Variants in FAM209B observed in about 807,000 individuals in gnomAD.
The protein encoded by FAM209B is protein FAM209B.
In FAM209B, 8 loss-of-function variants were observed where a neutral mutation model predicts 8.9. That is an observed-to-expected ratio of 0.90 (90% CI 0.53 to 1.62). FAM209B has a LOEUF of 1.62. FAM209B is among the 40% of genes most tolerant of loss of function. The pLI is 0.00. For missense variants in FAM209B, 175 were observed against 205.3 expected (o/e 0.85, Z 0.90); for synonymous variants, 67 against 75.0 (o/e 0.89, Z 0.55).
chr20:56,536,354 C>A lies in FAM209B; in HGVS notation c.432C>A (p.Asn144Lys), dbSNP rs1985970541. ...KGAMATGSGS[N>K]LKLRRSEMPA... ...CCATGGCAACAGGCAGTGGCAGTAA[C>A]CTCAAGCTTCGAAGGTCAGAGATGC... Residue 144 changes from asparagine (N) to lysine (K), a missense_variant, in exon 2 of 2, where the codon AAC becomes AAA. This residue lies in a region of FAM209B where 166 missense variants were observed against 174.5 expected (regional missense o/e 0.95). Transcript: ENST00000371325. 1 of 1,614,096 alleles carries A rather than the reference C, an allele frequency of 6.2e-7. No individual in the cohort carries two copies. The highest frequency in any genetic ancestry group is 8.5e-7 in the Non-Finnish European group (1 of 1,179,996).
chr20:56,535,487 A>G (rs888656241), intron 1 of FAM209B, among the ~76,000 whole-genome samples: 3 of 151,844 alleles, frequency 2.0e-5, no homozygotes, highest in Non-Finnish European at 4.4e-5. Flanking sequence ...GCTACTCGGG[A>G]GGCTGAGGCA....
chr20:56,535,633 G>A (rs769574766), intron 1 of FAM209B, among the ~76,000 whole-genome samples: 7 of 151,982 alleles, frequency 4.6e-5, no homozygotes, highest in Non-Finnish European at 7.4e-5. Flanking sequence ...TGGAGGTTGC[G>A]GTGAGCCAAG....
At chr20:56,533,918 G>C (rs1985868491) in intron 1 of FAM209B, among the ~76,000 whole-genome samples, 2 of 152,196 alleles carry the variant, frequency 1.3e-5, no homozygotes, top group African/African-American at 4.8e-5. Context: ...CACTTTGGGA[G>C]GCCAGGGCAG....
chr20:56,535,697 AAAAAG>A (rs1317150035), intron 1 of FAM209B, among the ~76,000 whole-genome samples: 1 of 152,200 alleles, frequency 6.6e-6, no homozygotes, highest in African/African-American at 2.4e-5. Flanking sequence ...AACAAACAAA[AAAAAG>A]AGATGAAGGT....
At position 56,536,252 on chromosome 20, in the gene FAM209B, C is replaced by G; in HGVS notation, c.330C>G (p.Asp110Glu). 6.2e-7 allele frequency: 1 copy of G among 1,609,312 alleles called. No homozygotes were observed. The highest frequency in any genetic ancestry group is 8.5e-7 in the Non-Finnish European group (1 of 1,178,184). The change falls in exon 2 of 2, where the codon GAC becomes GAG. Residue 110 changes from aspartate (D) to glutamate (E), a missense_variant. Physicochemically the swap from Asp to Glu is conservative, Grantham distance 45. Around this residue, in one of 2 missense-constraint regions of FAM209B, gnomAD observed 166 missense variants for 174.5 expected, o/e 0.95. Transcript: ENST00000371325. ...ATCAAAATGCTTCTCTTTACAAAGA[C>G]TGTGTATTCAATACCTTAAACGAAC... The part of the protein sequence containing the change: ...KKNQNASLYK[D>E]CVFNTLNELE...
intron 1 of FAM209B, among the ~76,000 whole-genome samples, chr20:56,535,860 T>C (rs1438814242): frequency 6.6e-6 from 1 of 152,182 alleles, no homozygotes; most frequent in African/African-American, 2.4e-5. Context: ...ATTGGCAAAC[T>C]TTTTCTGTAA....
chr20:56,535,414 A>C (rs868787608), intron 1 of FAM209B, among the ~76,000 whole-genome samples: 23 of 150,498 alleles, frequency 1.5e-4, no homozygotes, highest in African/African-American at 5.6e-4. Context: ...CAACATGATA[A>C]AACCCTGTCT....
intron 1 of FAM209B, among the ~76,000 whole-genome samples, chr20:56,534,828 C>T (rs144941912): frequency 0.021 from 3,078 of 145,552 alleles, 118 homozygotes; most frequent in African/African-American, 0.074. Context: ...CCGAGGCGGA[C>T]GGATCATCTG....
At chr20:56,535,601 A>G (rs1985948423) in intron 1 of FAM209B, among the ~76,000 whole-genome samples, 1 of 152,170 alleles carries the variant, frequency 6.6e-6, no homozygotes, top group Admixed American at 6.5e-5. Context: ...ACAAAAAAAA[A>G]GAATTGCTTG....
At position 56,533,502 on chromosome 20, in the gene FAM209B, G is replaced by T; in HGVS notation, c.161G>T (p.Gly54Val). The T allele has an allele frequency of 6.2e-7, 1 of 1,614,186 alleles. No individual in the cohort carries two copies. The highest frequency in any genetic ancestry group is 8.5e-7 in the Non-Finnish European group (1 of 1,180,032). ...IRQNLPEHTQ[G>V]WLGSKWLWLL... ...CAGAACCTACCAGAGCACACCCAAG[G>T]CTGGCTTGGGAGCAAATGGCTCTGG... Residue 54 changes from glycine to valine, a missense_variant, in exon 1 of 2, where the codon GGC becomes GTC. Coordinates refer to ENST00000371325, the MANE Select transcript of FAM209B (RefSeq NM_001013646.4).
intron 1 of FAM209B, among the ~76,000 whole-genome samples, chr20:56,534,770 A>AAAAAAAC (rs1985910521): frequency 7.4e-6 from 1 of 135,746 alleles, no homozygotes; most frequent in African/African-American, 2.7e-5. Flanking sequence ...AAAAAAAAAA[A>AAAAAAAC]AAGCTGGGCC....
At position 56,533,496 on chromosome 20, in the gene FAM209B, C is replaced by A. The variant is rs556397486; in HGVS notation, c.155C>A (p.Thr52Asn). Residue 52 changes from threonine (T) to asparagine (N), a missense_variant, in exon 1 of 2, where the codon ACC becomes AAC. Around this residue, in one of 2 missense-constraint regions of FAM209B, gnomAD observed 166 missense variants for 174.5 expected, o/e 0.95. Transcript: ENST00000371325. Reference protein sequence around the residue: ...FRIRQNLPEHTQGWLGSKWLW... With the variant: ...FRIRQNLPEHNQGWLGSKWLW... ...ATTCGGCAGAACCTACCAGAGCACA[C>A]CCAAGGCTGGCTTGGGAGCAAATGG... 4 of 1,614,198 alleles carry A rather than the reference C, an allele frequency of 2.5e-6. No homozygotes were observed. In the East Asian group the frequency reaches 8.9e-5, roughly 36 times the overall value.
rs1377158021 is a variant in FAM209B, at chr20:56,533,456, G to A, written c.115G>A (p.Gly39Arg). 5.6e-6 allele frequency: 9 copies of A among 1,612,480 alleles called. No individual in the cohort carries two copies. The highest frequency in any genetic ancestry group is 1.7e-5 in the Admixed American group (1 of 59,996). ...CGAACCCCAGGGGAAGGTGCCGTGT[G>A]GAGAGCACTTTCGGATTCGGCAGAA... The part of the protein sequence containing the change: ...TSEPQGKVPC[G>R]EHFRIRQNLP... Residue 39 changes from glycine (G) to arginine (R), a missense_variant, in exon 1 of 2, where the codon GGA becomes AGA. This residue lies in a region of FAM209B where 166 missense variants were observed against 174.5 expected (regional missense o/e 0.95). Transcript: ENST00000371325.
intron 1 of FAM209B, among the ~76,000 whole-genome samples, chr20:56,533,898 G>A (rs1985867599): frequency 6.6e-6 from 1 of 152,186 alleles, no homozygotes. Context: ...GGTTCATGCT[G>A]TAATCCCATC....
chr20:56,533,646 G>C (rs912189509), intron 1 of FAM209B, 56 bp downstream of exon 1: 23 of 1,598,880 alleles, frequency 1.4e-5, no homozygotes, highest in Non-Finnish European at 1.8e-5. Flanking sequence ...GGAGTCTCAG[G>C]GAAACGGATG....
chr20:56,535,759 T>C (rs1001827164), intron 1 of FAM209B, among the ~76,000 whole-genome samples: 1 of 152,118 alleles, frequency 6.6e-6, no homozygotes, highest in Non-Finnish European at 1.5e-5. Flanking sequence ...AACAATTCTT[T>C]CAAGTAGAAG....
intron 1 of FAM209B, among the ~76,000 whole-genome samples, chr20:56,533,825 T>A (rs1209500455): frequency 6.6e-6 from 1 of 152,174 alleles, no homozygotes; most frequent in African/African-American, 2.4e-5. Context: ...TGGCTCAAAG[T>A]TCTTCTGGTT....
At chr20:56,535,515 T>C (rs1214228238) in intron 1 of FAM209B, among the ~76,000 whole-genome samples, 1 of 151,844 alleles carries the variant, frequency 6.6e-6, no homozygotes, top group East Asian at 1.9e-4. Context: ...AGCTGGAACC[T>C]GGGAGGCAGA....
intron 1 of FAM209B, 144 bp downstream of exon 1, chr20:56,533,734 C>T (rs1271356403): frequency 1.9e-6 from 2 of 1,033,018 alleles, no homozygotes; most frequent in East Asian, 2.5e-5. Flanking sequence ...AAATTCACTT[C>T]CTGATGTATC....
Sources: allele counts gnomAD v4.1 joint callset (sites outside exome capture counted in the v4.1 genomes callset), GRCh38; gene constraint gnomAD v4.1.1; regional missense constraint gnomAD v4.1.1; transcripts MANE v1.5; gene names NCBI Gene and HGNC (gene_info 2026-07-23, HGNC 2026-07-21).